The following PRKG1 variants were observed in gnomAD, a reference collection of about 807,000 sequenced individuals.
PRKG1 encodes the protein protein kinase cGMP-dependent 1.
A neutral mutation model predicts 88.1 loss-of-function variants in PRKG1; 35 were observed. The observed-to-expected ratio is 0.40, with a 90% CI of 0.30 to 0.53. The LOEUF (loss-of-function observed/expected upper bound fraction) is 0.53. Among genes scored for constraint, PRKG1 ranks in the 20% least tolerant of loss-of-function variants. The pLI, the probability that PRKG1 is intolerant of heterozygous loss-of-function variation, is 0.59. For synonymous variants in PRKG1, 303 were observed against 292.5 expected, an observed-to-expected ratio of 1.04 and a Z score of -0.37; for missense variants, 540 against 839.8, an observed-to-expected ratio of 0.64 and a Z score of 4.41.
chr10:51,724,869 C>CTT (rs556620255), intron 3 of PRKG1, among the ~76,000 whole-genome samples: 1,785 of 110,624 alleles, frequency 0.016, 59 homozygotes, highest in African/African-American at 0.037. Flanking sequence ...AATTTTTGTA[C>CTT]TTTTTTTTTT....
chr10:51,293,647 C>T (rs944560113), intron 2 of PRKG1, among the ~76,000 whole-genome samples: 1 of 152,080 alleles, frequency 6.6e-6, no homozygotes, highest in African/African-American at 2.4e-5. Flanking sequence ...AGATTACTTC[C>T]ATGTCTTAGC....
chr10:51,002,190 A>G (rs1842897048), intron 1 of PRKG1, among the ~76,000 whole-genome samples: 1 of 151,964 alleles, frequency 6.6e-6, no homozygotes, highest in Admixed American at 6.5e-5. Context: ...AAAAAAAAAA[A>G]AGTATGTGTG....
intron 3 of PRKG1, among the ~76,000 whole-genome samples, chr10:51,569,779 T>G (rs1345474315): frequency 6.6e-6 from 1 of 151,992 alleles, no homozygotes; most frequent in African/African-American, 2.4e-5. Context: ...CTTTAACTAT[T>G]AATTTATTTA....
At chr10:51,016,673 C>CTTTCTTTTTTTTTTTTTTTTTT (rs1843067577) in intron 1 of PRKG1, among the ~76,000 whole-genome samples, 1 of 35,184 alleles carries the variant, frequency 2.8e-5, no homozygotes. Context: ...ATTATCCTTT[C>CTTTCTTTTTTTTTTTTTTTTTT]TTTTTTTTTT....
At chr10:51,869,387 G>GC (rs757278869) in intron 4 of PRKG1, among the ~76,000 whole-genome samples, 3 of 148,206 alleles carry the variant, frequency 2.0e-5, no homozygotes, top group Non-Finnish European at 3.0e-5. Context: ...TATAACTGCT[G>GC]TTTTTTTTTT....
At chr10:51,352,573 T>C (rs1842274413) in intron 2 of PRKG1, among the ~76,000 whole-genome samples, 1 of 151,770 alleles carries the variant, frequency 6.6e-6, no homozygotes, top group African/African-American at 2.4e-5. Context: ...TATAAAACAC[T>C]GAAGAAGGAA....
intron 2 of PRKG1, among the ~76,000 whole-genome samples, chr10:51,216,277 G>A (rs946381865): frequency 2.6e-5 from 4 of 152,172 alleles, no homozygotes; most frequent in African/African-American, 9.7e-5. Context: ...TCATTGGGTA[G>A]GGCACTAAGA....
At chr10:51,702,102 A>G (rs72797361) in intron 3 of PRKG1, among the ~76,000 whole-genome samples, 10,705 of 152,238 alleles carry the variant, frequency 0.07, 416 homozygotes, top group East Asian at 0.12. Flanking sequence ...CTATTAATAT[A>G]CTATTCTAGT....
chr10:51,378,258 G>A (rs377744326), intron 2 of PRKG1, among the ~76,000 whole-genome samples: 1 of 152,308 alleles, frequency 6.6e-6, no homozygotes, highest in East Asian at 1.9e-4. Context: ...CATACCAGGA[G>A]CACTAAGCTT....
intron 1 of PRKG1, among the ~76,000 whole-genome samples, chr10:51,122,223 C>A (rs773512247): frequency 2.2e-4 from 34 of 152,156 alleles, no homozygotes; most frequent in Non-Finnish European, 4.6e-4. Flanking sequence ...AGAGCTCTAC[C>A]ATCCCACATG....
chr10:52,250,886 G>A (rs1841153777), intron 9 of PRKG1, among the ~76,000 whole-genome samples: 1 of 152,126 alleles, frequency 6.6e-6, no homozygotes, highest in Non-Finnish European at 1.5e-5. Context: ...ACTCATATAA[G>A]AAACTTGCAA....
At chr10:51,280,669 C>T (rs1840270046) in intron 2 of PRKG1, among the ~76,000 whole-genome samples, 4 of 152,236 alleles carry the variant, frequency 2.6e-5, no homozygotes, top group Admixed American at 2.6e-4. Context: ...GCTACTGAAA[C>T]TTGTGCATTC....
At chr10:51,757,324 G>A (rs938128870) in intron 3 of PRKG1, among the ~76,000 whole-genome samples, 28 of 151,878 alleles carry the variant, frequency 1.8e-4, no homozygotes, top group African/African-American at 6.1e-4. Context: ...GGCTAGTCTC[G>A]AACTCCTGAC....
chr10:52,091,169 G>A (rs914630747), intron 7 of PRKG1, among the ~76,000 whole-genome samples: 21 of 152,116 alleles, frequency 1.4e-4, no homozygotes, highest in Non-Finnish European at 2.4e-4. Flanking sequence ...AGGTCATTCC[G>A]GTTGTTGGCA....
At chr10:51,426,715 T>C (rs564699897) in intron 2 of PRKG1, among the ~76,000 whole-genome samples, 34 of 152,038 alleles carry the variant, frequency 2.2e-4, no homozygotes, top group African/African-American at 7.0e-4. Flanking sequence ...CACACACACA[T>C]ATACAGAAGT....
At chr10:51,710,873 T>A (rs948713242) in intron 3 of PRKG1, among the ~76,000 whole-genome samples, 1 of 152,104 alleles carries the variant, frequency 6.6e-6, no homozygotes, top group Non-Finnish European at 1.5e-5. Flanking sequence ...ATTTTCCTTT[T>A]TGTTAATAGA....
intron 5 of PRKG1, among the ~76,000 whole-genome samples, chr10:51,982,889 G>A (rs1844048648): frequency 6.6e-6 from 1 of 152,202 alleles, no homozygotes; most frequent in Non-Finnish European, 1.5e-5. Flanking sequence ...CTCCATGCAG[G>A]CAGTCACCTA....
intron 3 of PRKG1, among the ~76,000 whole-genome samples, chr10:51,720,730 C>T (rs1841992626): frequency 6.6e-6 from 1 of 152,054 alleles, no homozygotes; most frequent in Admixed American, 6.5e-5. Flanking sequence ...CACAGCAGAG[C>T]TTTAAATTAT....
intron 3 of PRKG1, among the ~76,000 whole-genome samples, chr10:51,796,390 A>G (rs910968111): frequency 1.3e-5 from 2 of 152,124 alleles, no homozygotes; most frequent in African/African-American, 2.4e-5. Context: ...AATAAATGTA[A>G]AATTATTCCT....
Sources: gnomAD v4.1 joint callset for allele counts (sites outside exome capture counted in the v4.1 genomes callset) on GRCh38, gnomAD v4.1.1 for gene constraint, MANE v1.5 for transcripts, NCBI Gene and HGNC (gene_info 2026-07-23, HGNC 2026-07-21) for gene names.